Variants in STARD13 observed in about 807,000 individuals in gnomAD.
STARD13 encodes stAR-related lipid transfer protein 13.
STARD13 carries 62 observed loss-of-function variants against 106.4 expected under a neutral mutation model. That is an observed-to-expected ratio of 0.58 (90% confidence interval 0.48 to 0.72). The LOEUF is 0.72. Among genes scored for constraint, STARD13 ranks in the 30% least tolerant of loss-of-function variants. The pLI, the probability that STARD13 is intolerant of heterozygous loss-of-function variation, is 0.00. For missense variants in STARD13, 1,387 were observed against 1,424.0 expected (o/e 0.97, Z 0.42); for synonymous variants, 565 against 553.0 (o/e 1.02, Z -0.31).
intron 1 of STARD13, among the ~76,000 whole-genome samples, chr13:33,216,911 C>T (rs1444571516): frequency 6.6e-6 from 1 of 152,152 alleles, no homozygotes; most frequent in African/African-American, 2.4e-5. Flanking sequence ...ACATTCGAAT[C>T]CCTGGCCCAT....
rs1879575040 is a variant in STARD13 at position 33,139,807 on chromosome 13, T to C, written c.387+2503A>G. 2.0e-5 allele frequency among the ~76,000 whole-genome samples: 3 copies of C among 152,268 alleles called. No individual in the cohort carries two copies. The South Asian group carries it at 6.2e-4, about 32-fold the overall frequency. On this transcript the variant is annotated intron_variant, in intron 4 of 13. Coordinates refer to ENST00000336934, the MANE Select transcript of STARD13 (RefSeq NM_178006.4). ...GATTAAATAAAGTCTATGGCTTGTG[T>C]AAGAGGAAGATCACAGAAACGGGTG... is the stretch of plus-strand genomic sequence containing the variant.
chr13:33,421,351 A>T, the STARD13 span, among the ~76,000 whole-genome samples: 6 of 152,250 alleles, frequency 3.9e-5, no homozygotes, highest in African/African-American at 1.4e-4. Flanking sequence ...TCTAGAAGAA[A>T]TGGATAAATT....
chr13:33,210,624 G>A (rs907938322), intron 1 of STARD13, among the ~76,000 whole-genome samples: 40 of 152,124 alleles, frequency 2.6e-4, no homozygotes, highest in Non-Finnish European at 5.1e-4. Context: ...TAAAATATAG[G>A]TGATTACGAC....
At chr13:33,135,145 G>A (rs1171157633) in intron 4 of STARD13, among the ~76,000 whole-genome samples, 5 of 152,190 alleles carry the variant, frequency 3.3e-5, no homozygotes, top group African/African-American at 1.2e-4. Context: ...ACAACCTCCT[G>A]GGGTGGACAA....
At chr13:33,480,491 G>A in the STARD13 span, among the ~76,000 whole-genome samples, 534 of 152,164 alleles carry the variant, frequency 3.5e-3, 3 homozygotes, top group African/African-American at 0.012. Flanking sequence ...TCTGAAACCC[G>A]TGTGCATATG....
intron 1 of STARD13, among the ~76,000 whole-genome samples, chr13:33,194,466 A>G (rs1330310816): frequency 6.6e-6 from 1 of 152,208 alleles, no homozygotes; most frequent in Non-Finnish European, 1.5e-5. Flanking sequence ...GTAAATGTAC[A>G]TTCTTTCATG....
At chr13:33,293,240 G>T (rs947490232) in intron 1 of STARD13, among the ~76,000 whole-genome samples, 2 of 152,146 alleles carry the variant, frequency 1.3e-5, no homozygotes, top group African/African-American at 2.4e-5. Context: ...CCAGTAGACT[G>T]CTTTGGGTGG....
At chr13:33,294,854 A>G (rs1408196635) in intron 1 of STARD13, among the ~76,000 whole-genome samples, 1 of 152,152 alleles carries the variant, frequency 6.6e-6, no homozygotes, top group Non-Finnish European at 1.5e-5. Context: ...ATATGAAATG[A>G]ACACTTGCTC....
chr13:33,470,094 T>C, the STARD13 span, among the ~76,000 whole-genome samples: 4 of 152,140 alleles, frequency 2.6e-5, no homozygotes, highest in Non-Finnish European at 5.9e-5. Context: ...TTCCCCTCTC[T>C]GTGTCCATGT....
intron 1 of STARD13, among the ~76,000 whole-genome samples, chr13:33,215,307 G>A (rs1319108553): frequency 6.6e-6 from 1 of 152,090 alleles, no homozygotes; most frequent in Non-Finnish European, 1.5e-5. Flanking sequence ...CTGCCCAGCC[G>A]GTCTTAACCC....
At chr13:33,420,408 C>T in the STARD13 span, among the ~76,000 whole-genome samples, 1 of 152,196 alleles carries the variant, frequency 6.6e-6, no homozygotes, top group Non-Finnish European at 1.5e-5. Context: ...AGCTAACTAT[C>T]CTAAATATAT....
intron 1 of STARD13, among the ~76,000 whole-genome samples, chr13:33,246,677 A>G (rs149086120): frequency 2.0e-5 from 3 of 152,364 alleles, no homozygotes; most frequent in African/African-American, 7.2e-5. Context: ...TAGACAAATA[A>G]AATAATAAAA....
the STARD13 span, among the ~76,000 whole-genome samples, chr13:33,459,440 CTTCT>C: frequency 6.6e-6 from 1 of 152,024 alleles, no homozygotes; most frequent in Non-Finnish European, 1.5e-5. Context: ...TTAGTTTGTT[CTTCT>C]TTATTATTGA....
the STARD13 span, among the ~76,000 whole-genome samples, chr13:33,628,484 A>G: frequency 2.2e-4 from 34 of 152,350 alleles, no homozygotes; most frequent in African/African-American, 7.0e-4. Flanking sequence ...TCTAATAGGC[A>G]TTAAAGTAAC....
chr13:33,114,952 C>G (rs770333947), intron 8 of STARD13, among the ~76,000 whole-genome samples: 8 of 152,040 alleles, frequency 5.3e-5, no homozygotes, highest in South Asian at 2.1e-4. Context: ...TTTCCTGGCT[C>G]TAAGGGGATG....
chr13:33,301,182 G>C (rs1370873713), intron 1 of STARD13, among the ~76,000 whole-genome samples: 2 of 152,186 alleles, frequency 1.3e-5, no homozygotes, highest in African/African-American at 4.8e-5. Context: ...CCAGTGCCTG[G>C]TACATAGGAA....
At chr13:33,380,091 C>G in the STARD13 span, among the ~76,000 whole-genome samples, 1 of 152,092 alleles carries the variant, frequency 6.6e-6, no homozygotes, top group Non-Finnish European at 1.5e-5. Context: ...ATTTATTTTA[C>G]TTAAAATGTG....
chr13:33,565,717 A>G, the STARD13 span, among the ~76,000 whole-genome samples: 1 of 147,970 alleles, frequency 6.8e-6, no homozygotes, highest in Admixed American at 6.9e-5. Context: ...CAGGTAAGAA[A>G]CATATATCAC....
At chr13:33,601,312 C>T in the STARD13 span, among the ~76,000 whole-genome samples, 1 of 151,752 alleles carries the variant, frequency 6.6e-6, no homozygotes, top group South Asian at 2.1e-4. Context: ...TGTTTTAATG[C>T]AATCACTTTC....
Sources: gnomAD v4.1 joint callset for allele counts (sites outside exome capture counted in the v4.1 genomes callset) on GRCh38, gnomAD v4.1.1 for gene constraint, MANE v1.5 for transcripts, NCBI Gene and HGNC (gene_info 2026-07-23, HGNC 2026-07-21) for gene names.